Variants in FAM83E observed in about 807,000 individuals in gnomAD.
FAM83E encodes the protein protein FAM83E.
Under a neutral mutation model 34.3 loss-of-function variants are expected in FAM83E, and 29 were observed. The ratio of observed to expected loss-of-function variants is 0.85; its 90% CI spans 0.63 to 1.15. FAM83E has a LOEUF of 1.15. Among genes scored for constraint, FAM83E ranks in the 50% most tolerant of loss-of-function variants. The pLI is 0.00. For synonymous variants in FAM83E, 312 were observed against 311.6 expected, an observed-to-expected ratio of 1.00 and a Z score of -0.01; for missense variants, 697 against 685.0, an observed-to-expected ratio of 1.02 and a Z score of -0.20.
At chr19:48,608,193 T>G (rs1400900631) in intron 5 of FAM83E, among the ~76,000 whole-genome samples, 1 of 152,054 alleles carries the variant, frequency 6.6e-6, no homozygotes, top group Non-Finnish European at 1.5e-5. Context: ...CATTGCAGCC[T>G]CTACCTCCTG....
chr19:48,609,137 A>G (rs1332805500), intron 5 of FAM83E, among the ~76,000 whole-genome samples: 1 of 152,076 alleles, frequency 6.6e-6, no homozygotes, highest in African/African-American at 2.4e-5. Context: ...GAAGTCACAC[A>G]ACGAGGAACT....
At chr19:48,603,196 G>A (rs2147639380) in intron 6 of FAM83E, among the ~76,000 whole-genome samples, 1 of 152,118 alleles carries the variant, frequency 6.6e-6, no homozygotes, top group South Asian at 2.1e-4. Flanking sequence ...CCTAGATGAG[G>A]ATACCGAGGT....
In FAM83E at chr19:48,613,415, C is replaced by A; in HGVS notation, c.-43G>T. On this transcript the variant is annotated 5_prime_UTR_variant, in exon 3 of 7. Coordinates refer to ENST00000263266, the MANE Select transcript of FAM83E (RefSeq NM_017708.4). The stretch of plus-strand genomic sequence containing the variant: ...GAGGACTGACTGTGAGAGGCTGGGT[C>A]CCCGGGGGTCTGGCTGTCTCTGGGG... 1.4e-6 allele frequency: 2 copies of A among 1,473,648 alleles called. No homozygotes were observed. Among genetic ancestry groups the A allele is most frequent in the South Asian group, 1.3e-5 (1 of 74,360 alleles). The allele number at this position is 1,473,648 out of a possible 1,614,324, so 91.3% of individuals were successfully genotyped here. A position where few individuals can be genotyped will look rare whatever the true frequency, so the allele number is the denominator to read the frequency against.
Position 48,613,358 on chromosome 19 carries a change from C to T in FAM83E, c.15G>A (p.Gln5=). 6.4e-7 allele frequency: 1 copy of T among 1,564,986 alleles called. No homozygotes were observed. Residue 5 remains glutamine, a synonymous_variant, in exon 3 of 7, where the codon CAG becomes CAA. Coordinates refer to ENST00000263266, the MANE Select transcript of FAM83E (RefSeq NM_017708.4). MAAS[Q]LAALEGVDSG... ...AGTCCACTCCTTCCAGCGCCGCCAG[C>T]TGGGAGGCCGCCATCGGGGTCACTC...
At chr19:48,609,668 A>T (rs762398775) in intron 5 of FAM83E, among the ~76,000 whole-genome samples, 3 of 152,186 alleles carry the variant, frequency 2.0e-5, no homozygotes, top group Non-Finnish European at 2.9e-5. Flanking sequence ...CAGGTCAAAG[A>T]GAAGCAGACT....
intron 3 of FAM83E, among the ~76,000 whole-genome samples, chr19:48,611,132 C>T (rs1974033649): frequency 6.6e-6 from 1 of 150,684 alleles, no homozygotes; most frequent in Non-Finnish European, 1.5e-5. Context: ...ATCATGTTTG[C>T]TTGTTTTTTT....
intron 3 of FAM83E, among the ~76,000 whole-genome samples, chr19:48,611,411 A>C (rs1243349585): frequency 1.3e-5 from 2 of 150,404 alleles, no homozygotes; most frequent in Non-Finnish European, 3.0e-5. Context: ...CTCGTGATCC[A>C]CCTGCCTCAG....
rs766350229 is a variant in FAM83E at position 48,610,747 on chromosome 19, T to C, written c.566A>G (p.Asp189Gly). The stretch of plus-strand genomic sequence containing the variant: ...CAGGAAGGCAGGCAGCTGCTGGCGG[T>C]CCAGGAGCAGGTAGACAGGTACCCA... ...RRWVPVYLLL[D>G]RQQLPAFLEL... The change falls in exon 4 of 7, where the codon GAC becomes GGC. Residue 189 changes from aspartate (D) to glycine (G), a missense_variant. Transcript: ENST00000263266. The C allele has an allele frequency of 1.3e-6, 2 of 1,587,206 alleles. No homozygotes were observed. The highest frequency in any genetic ancestry group is 1.3e-5 in the African/African-American group (1 of 74,394).
intron 5 of FAM83E, among the ~76,000 whole-genome samples, chr19:48,604,491 C>T (rs1054578743): frequency 2.0e-5 from 3 of 151,216 alleles, no homozygotes; most frequent in Non-Finnish European, 2.9e-5. Flanking sequence ...CCGCCATGCC[C>T]GGCTAATTTT....
intron 5 of FAM83E, among the ~76,000 whole-genome samples, chr19:48,608,447 T>TA (rs1485981223): frequency 6.8e-6 from 1 of 146,806 alleles, no homozygotes; most frequent in Non-Finnish European, 1.5e-5. Flanking sequence ...CTTTTTTTTT[T>TA]TTTTTTTTAT....
intron 5 of FAM83E, among the ~76,000 whole-genome samples, chr19:48,605,760 A>G (rs778761466): frequency 2.5e-4 from 38 of 151,824 alleles, no homozygotes; most frequent in Admixed American, 4.6e-4. Flanking sequence ...CACGTTGGCC[A>G]TGCTGGTCTT....
At chr19:48,606,100 C>T (rs1301376293) in intron 5 of FAM83E, among the ~76,000 whole-genome samples, 2 of 151,858 alleles carry the variant, frequency 1.3e-5, no homozygotes, top group African/African-American at 4.8e-5. Context: ...CACTTGAGCT[C>T]AAGAGTTCGC....
rs1973841413 is a variant in FAM83E at position 48,602,700 on chromosome 19, AAAAAATATATATAT to A, written c.1176+780_1176+793del. On this transcript the variant is annotated intron_variant, in intron 6 of 6. Coordinates refer to ENST00000263266, the MANE Select transcript of FAM83E (RefSeq NM_017708.4). ...AGACCCTATCTCAAAAAAAAAAAAA[AAAAAATATATATAT>A]ATATATATATATATATATATATATA... Among the ~76,000 whole-genome samples, 6 of 43,960 alleles carry A rather than the reference AAAAAATATATATAT, an allele frequency of 1.4e-4. 2 individuals are homozygous for A. Among genetic ancestry groups the A allele is most frequent in the Non-Finnish European group, 2.5e-4 (6 of 23,874 alleles). The allele number at this position is 43,960 out of a possible 152,430, so 28.8% of individuals were successfully genotyped here.
chr19:48,609,006 C>T (rs1274191828), intron 5 of FAM83E, among the ~76,000 whole-genome samples: 1 of 152,078 alleles, frequency 6.6e-6, no homozygotes, highest in Non-Finnish European at 1.5e-5. Context: ...AAAACAAAGA[C>T]TTACCCAGCC....
Position 48,613,581 on chromosome 19 carries a change from G to A in FAM83E, c.-209C>T. 7.1e-7 allele frequency: 1 copy of A among 1,399,908 alleles called. No homozygotes were observed. Among genetic ancestry groups the A allele is most frequent in the Non-Finnish European group, 9.2e-7 (1 of 1,081,762 alleles). The allele number at this position is 1,399,908 out of a possible 1,614,324, so 86.7% of individuals were successfully genotyped here. On this transcript the variant is annotated 5_prime_UTR_variant, in exon 3 of 7. Transcript: ENST00000263266. ...TCTGACAATCACGCTGCCCAAATAA[G>A]CGACCATCCAATGTGTCAGGCCACT...
chr19:48,614,692 C>A lies in FAM83E; in HGVS notation c.-1256+16G>T. ...CCGCCCCACCCTCACCCATCCCCCC[C>A]ATCGCCGGGGCTCACCCACACCGGC... On this transcript the variant is annotated intron_variant, in intron 2 of 6. Coordinates refer to ENST00000263266, the MANE Select transcript of FAM83E (RefSeq NM_017708.4). 1.0e-6 allele frequency: 1 copy of A among 985,556 alleles called. No homozygotes were observed. Among genetic ancestry groups the A allele is most frequent in the Non-Finnish European group, 1.2e-6 (1 of 830,124 alleles). 61.1% of individuals were successfully genotyped at this position (985,556 alleles called of 1,614,324 possible). A position where few individuals can be genotyped will look rare whatever the true frequency, so the allele number is the denominator to read the frequency against.
At chr19:48,603,946 A>G (rs1192742574) in intron 5 of FAM83E, 35 bp from the exon 6 acceptor site, 3 of 1,577,034 alleles carry the variant, frequency 1.9e-6, no homozygotes, top group Non-Finnish European at 2.6e-6. Context: ...AGAGTCTCCA[A>G]CCCTGAGGGC....
At chr19:48,608,771 C>T (rs1025969583) in intron 5 of FAM83E, among the ~76,000 whole-genome samples, 1 of 94,560 alleles carries the variant, frequency 1.1e-5, no homozygotes, top group African/African-American at 6.6e-5. Flanking sequence ...AACAAGCGCT[C>T]CCAGGGATTC....
At position 48,601,105 on chromosome 19, in the gene FAM83E, C is replaced by T; in HGVS notation, c.*4G>A. On this transcript the variant is annotated 3_prime_UTR_variant, in exon 7 of 7. Transcript: ENST00000263266. ...GGGCCAGCAGATTTGGCTTGGGCTC[C>T]TGTTCAGGGTTGCCCCCCAAGTCCT... 1 of 1,605,624 alleles carries T rather than the reference C, an allele frequency of 6.2e-7. No homozygotes were observed. Among genetic ancestry groups the T allele is most frequent in the South Asian group, 1.1e-5 (1 of 90,254 alleles).
Sources: gnomAD v4.1 joint callset for allele counts (sites outside exome capture counted in the v4.1 genomes callset) on GRCh38, gnomAD v4.1.1 for gene constraint, MANE v1.5 for transcripts, NCBI Gene and HGNC (gene_info 2026-07-23, HGNC 2026-07-21) for gene names.